The following ERICH3 variants were observed in gnomAD, a reference collection of about 807,000 sequenced individuals.
The protein encoded by ERICH3 is glutamate-rich protein 3.
In ERICH3, 126 loss-of-function variants were observed where a neutral mutation model predicts 131.1. That is an observed-to-expected ratio of 0.96 (90% CI 0.83 to 1.11). The LOEUF (loss-of-function observed/expected upper bound fraction) is 1.11, where lower values mean the gene tolerates loss of function less well. Among genes scored for constraint, ERICH3 ranks in the 50% most tolerant of loss-of-function variants. The pLI is 0.00. For synonymous variants in ERICH3, 695 were observed against 644.6 expected (o/e 1.08, Z -1.18); for missense variants, 2,050 against 1,810.7 (o/e 1.13, Z -2.40).
intron 8 of ERICH3, among the ~76,000 whole-genome samples, chr1:74,613,756 C>T (rs949511055): frequency 6.6e-6 from 1 of 152,098 alleles, no homozygotes; most frequent in Non-Finnish European, 1.5e-5. Context: ...AGCCTGCCAC[C>T]CTATCCCCAC....
intron 4 of ERICH3, among the ~76,000 whole-genome samples, chr1:74,642,063 A>G (rs906200970): frequency 2.0e-5 from 3 of 152,040 alleles, no homozygotes; most frequent in South Asian, 2.1e-4. Flanking sequence ...CATTTTCTCC[A>G]TCAACATTTC....
At chr1:74,667,913 C>T (rs535300292) in intron 1 of ERICH3, among the ~76,000 whole-genome samples, 2 of 152,194 alleles carry the variant, frequency 1.3e-5, no homozygotes, top group South Asian at 4.1e-4. Context: ...GCACTTTCCC[C>T]CACGCTGTTC....
At chr1:74,595,078 A>G (rs571518585) in intron 11 of ERICH3, among the ~76,000 whole-genome samples, 3 of 152,268 alleles carry the variant, frequency 2.0e-5, no homozygotes, top group Non-Finnish European at 4.4e-5. Context: ...AAGAGTTCAC[A>G]GCAAAATCTG....
chr1:74,570,692 A>G (rs1646926634), intron 14 of ERICH3, among the ~76,000 whole-genome samples: 2 of 152,234 alleles, frequency 1.3e-5, no homozygotes, highest in Admixed American at 1.3e-4. Context: ...ATGATAACAA[A>G]CAACCTTCAT....
intron 7 of ERICH3, among the ~76,000 whole-genome samples, chr1:74,630,622 A>T (rs1646314751): frequency 6.6e-6 from 1 of 152,202 alleles, no homozygotes; most frequent in East Asian, 1.9e-4. Flanking sequence ...TAGAGAACTT[A>T]CTAATGAAGA....
chr1:74,668,045 T>C (rs1646708091), intron 1 of ERICH3, among the ~76,000 whole-genome samples: 2 of 152,184 alleles, frequency 1.3e-5, no homozygotes, highest in African/African-American at 2.4e-5. Flanking sequence ...CCTTCCACCA[T>C]GATTGTAAGT....
At chr1:74,607,161 C>T (rs549205857) in intron 9 of ERICH3, among the ~76,000 whole-genome samples, 5 of 152,084 alleles carry the variant, frequency 3.3e-5, no homozygotes, top group South Asian at 2.1e-4. Flanking sequence ...TAAAATAACT[C>T]GTCAACCAAG....
intron 1 of ERICH3, among the ~76,000 whole-genome samples, chr1:74,672,749 T>C (rs896937659): frequency 4.9e-5 from 7 of 143,172 alleles, no homozygotes; most frequent in Non-Finnish European, 1.1e-4. Context: ...CAGGAGGAAA[T>C]TGGATATTCT....
chr1:74,607,712 A>G (rs1020588152), intron 9 of ERICH3, among the ~76,000 whole-genome samples: 3 of 152,042 alleles, frequency 2.0e-5, no homozygotes, highest in Non-Finnish European at 4.4e-5. Flanking sequence ...AGATAATCTG[A>G]ATGCATTATG....
In ERICH3 at chr1:74,572,277, C is replaced by G. The variant is rs1029216646; in HGVS notation, c.3433G>C (p.Gly1145Arg). 6.2e-6 allele frequency: 10 copies of G among 1,613,946 alleles called. No individual in the cohort carries two copies. Among genetic ancestry groups the G allele is most frequent in the Admixed American group, 5.0e-5 (3 of 60,004 alleles). The change falls in exon 14 of 15, where the codon GGA becomes CGA. Residue 1145 changes from glycine to arginine, a missense_variant. Coordinates refer to ENST00000326665, the MANE Select transcript of ERICH3 (RefSeq NM_001002912.5). ...ACTGTCTCTTTTAGTGAATCTTCTC[C>G]TAGAAGCCCTGGATTGTCAGACAAC... ...SELSDNPGLLGEDSLKETVVP... is the reference protein window; with the variant it reads ...SELSDNPGLLREDSLKETVVP...
chr1:74,633,062 T>C (rs542272894), intron 6 of ERICH3, among the ~76,000 whole-genome samples: 92 of 151,962 alleles, frequency 6.1e-4, no homozygotes, highest in African/African-American at 2.1e-3. Context: ...TAAATTTATA[T>C]TGTACTTATG....
At chr1:74,577,735 G>T (rs1462029273) in intron 12 of ERICH3, among the ~76,000 whole-genome samples, 1 of 152,040 alleles carries the variant, frequency 6.6e-6, no homozygotes, top group Non-Finnish European at 1.5e-5. Context: ...AAGAGAGAGA[G>T]AGCAGCCAGG....
At chr1:74,635,926 T>C (rs924586195) in intron 6 of ERICH3, among the ~76,000 whole-genome samples, 2 of 152,202 alleles carry the variant, frequency 1.3e-5, no homozygotes, top group African/African-American at 2.4e-5. Context: ...ATTTTCTAGG[T>C]TTCATGCGTT....
At chr1:74,660,250 C>T (rs550243148) in intron 1 of ERICH3, among the ~76,000 whole-genome samples, 1 of 152,158 alleles carries the variant, frequency 6.6e-6, no homozygotes, top group African/African-American at 2.4e-5. Context: ...TTACCAGGAA[C>T]CTCTTTAAAC....
intron 2 of ERICH3, among the ~76,000 whole-genome samples, chr1:74,647,008 A>T (rs1449810537): frequency 6.6e-6 from 1 of 151,616 alleles, no homozygotes; most frequent in Non-Finnish European, 1.5e-5. Context: ...AGGGAGAGAA[A>T]GCATCAGTAG....
At chr1:74,616,578 C>T (rs1648977144) in intron 8 of ERICH3, among the ~76,000 whole-genome samples, 1 of 151,886 alleles carries the variant, frequency 6.6e-6, no homozygotes, top group Admixed American at 6.6e-5. Flanking sequence ...GAAAATTGCC[C>T]ACAGTTTGAA....
At chr1:74,669,763 A>G (rs1646724854) in intron 1 of ERICH3, among the ~76,000 whole-genome samples, 1 of 152,210 alleles carries the variant, frequency 6.6e-6, no homozygotes, top group African/African-American at 2.4e-5. Flanking sequence ...GGCCCTTTGC[A>G]ATTTTTACAT....
intron 12 of ERICH3, chr1:74,586,429 C>T (rs889201669): frequency 3.0e-5 from 30 of 984,072 alleles, no homozygotes; most frequent in Admixed American, 6.2e-5. Context: ...TGCTATCCAC[C>T]GTTATCCCTG....
At chr1:74,600,530 A>G (rs952513274) in intron 10 of ERICH3, among the ~76,000 whole-genome samples, 2 of 151,924 alleles carry the variant, frequency 1.3e-5, no homozygotes, top group Admixed American at 6.6e-5. Flanking sequence ...TCATTCCTAC[A>G]ATAAATGAAA....
Sources: gnomAD v4.1 joint callset for allele counts (sites outside exome capture counted in the v4.1 genomes callset) on GRCh38, gnomAD v4.1.1 for gene constraint, MANE v1.5 for transcripts, NCBI Gene and HGNC (gene_info 2026-07-23, HGNC 2026-07-21) for gene names.